The following C1orf94 variants were observed in gnomAD, a reference collection of about 807,000 sequenced individuals.
C1orf94 encodes uncharacterized protein C1orf94.
Under a neutral mutation model 53.6 loss-of-function variants are expected in C1orf94, and 45 were observed. That is an observed-to-expected ratio of 0.84 (90% CI 0.66 to 1.08). The LOEUF is 1.08. Among genes scored for constraint, C1orf94 ranks in the 50% least tolerant of loss-of-function variants. The pLI is 0.00. For synonymous variants in C1orf94, 304 were observed against 296.1 expected (o/e 1.03, Z -0.27); for missense variants, 762 against 738.9 (o/e 1.03, Z -0.36).
intron 1 of C1orf94, among the ~76,000 whole-genome samples, chr1:34,184,367 G>T (rs1458855609): frequency 6.6e-5 from 10 of 152,180 alleles, no homozygotes; most frequent in Non-Finnish European, 1.0e-4. Context: ...GCTCGAGCTT[G>T]CTGGGTGTGG....
Position 34,203,883 on chromosome 1 carries a change from A to G in C1orf94, c.1446+1624A>G, listed in dbSNP as rs542300210. 2.9e-3 allele frequency among the ~76,000 whole-genome samples: 440 copies of G among 152,342 alleles called. 2 individuals are homozygous for G. The highest frequency in any genetic ancestry group is 4.0e-3 in the Non-Finnish European group (274 of 68,028). On this transcript the variant is annotated intron_variant, in intron 4 of 6. Transcript: ENST00000488417. ...CTGGTTTAAGCCTTAGCCCAATCCAATAACTTAAATAGTCCCTTTAGGTAG... is the reference window on the plus strand; with the variant it reads ...CTGGTTTAAGCCTTAGCCCAATCCAGTAACTTAAATAGTCCCTTTAGGTAG...
chr1:34,195,260 T>G (rs1442624464), intron 1 of C1orf94, among the ~76,000 whole-genome samples: 1 of 152,320 alleles, frequency 6.6e-6, no homozygotes, highest in East Asian at 1.9e-4. Flanking sequence ...CACAGGGCAC[T>G]GTGCTGAGCT....
At chr1:34,174,653 A>AAGCC (rs567661994), upstream of C1orf94, among the ~76,000 whole-genome samples, 1 of 152,246 alleles carries the variant, frequency 6.6e-6, no homozygotes, top group Non-Finnish European at 1.5e-5. Context: ...AGCCAAGTGC[A>AAGCC]AGCCAGCGAG....
chr1:34,211,803 C>T (rs972282285), intron 5 of C1orf94, among the ~76,000 whole-genome samples: 1 of 152,124 alleles, frequency 6.6e-6, no homozygotes, highest in African/African-American at 2.4e-5. Context: ...TAAATCACAA[C>T]AGCTTTTTGG....
Position 34,200,819 on chromosome 1 carries a change from T to C in C1orf94, c.1057T>C (p.Phe353Leu). The C allele has an allele frequency of 1.2e-6, 2 of 1,614,168 alleles. No individual in the cohort carries two copies. The highest frequency in any genetic ancestry group is 1.7e-6 in the Non-Finnish European group (2 of 1,180,022). Residue 353 changes from phenylalanine to leucine, a missense_variant, in exon 3 of 7, where the codon TTT becomes CTT. Coordinates refer to ENST00000488417, the MANE Select transcript of C1orf94 (RefSeq NM_001134734.2). Reference sequence around the variant, plus strand: ...GCCAAAAAAGGGTCAAGGGAGCCTCTTTCTCAGCCAGTGGCCCCAGAGCCA... The same window carrying C: ...GCCAAAAAAGGGTCAAGGGAGCCTCCTTCTCAGCCAGTGGCCCCAGAGCCA... ...KEPKKGQGSL[F>L]LSQWPQSQKD...
At chr1:34,190,402 C>T (rs546968351) in intron 1 of C1orf94, among the ~76,000 whole-genome samples, 188 of 152,272 alleles carry the variant, frequency 1.2e-3, no homozygotes, top group African/African-American at 4.3e-3. Context: ...TAACTTCTCC[C>T]CTCCACCTCC....
intron 1 of C1orf94, chr1:34,167,255 C>G (rs1209592284): frequency 6.6e-6 from 1 of 152,466 alleles, no homozygotes; most frequent in East Asian, 1.9e-4. Flanking sequence ...GACTTTACCC[C>G]TCTCTTGGAG....
At chr1:34,186,242 T>A (rs1159689871) in intron 1 of C1orf94, among the ~76,000 whole-genome samples, 1 of 152,228 alleles carries the variant, frequency 6.6e-6, no homozygotes, top group African/African-American at 2.4e-5. Flanking sequence ...AAACTTTCTG[T>A]GCCCTATTTT....
rs751170856 is a variant in C1orf94 at position 34,218,906 on chromosome 1, T to A, written c.*145T>A. On this transcript the variant is annotated 3_prime_UTR_variant, in exon 7 of 7. Coordinates refer to ENST00000488417, the MANE Select transcript of C1orf94 (RefSeq NM_001134734.2). The stretch of plus-strand genomic sequence containing the variant: ...ACAAAACAGCAAGACCAGATTCATC[T>A]ATTGGCCAACACTGACACAAAAATA... 1.1e-5 allele frequency: 6 copies of A among 551,858 alleles called. No homozygotes were observed. Among genetic ancestry groups the A allele is most frequent in the Non-Finnish European group, 1.8e-5 (6 of 329,490 alleles). 34.2% of individuals were successfully genotyped at this position (551,858 alleles called of 1,614,324 possible).
intron 5 of C1orf94, among the ~76,000 whole-genome samples, chr1:34,210,614 G>T (rs1266663364): frequency 6.6e-6 from 1 of 151,874 alleles, no homozygotes; most frequent in African/African-American, 2.4e-5. Flanking sequence ...CATGTGAAGG[G>T]CCGGGCACAT....
intron 3 of C1orf94, 127 bp from the exon 4 acceptor site, chr1:34,201,956 AC>A (rs1343963940): frequency 1.2e-6 from 1 of 831,860 alleles, no homozygotes; most frequent in Non-Finnish European, 1.9e-6. Flanking sequence ...ACTTTGAAGA[AC>A]CCTCTTGGAG....
intron 6 of C1orf94, among the ~76,000 whole-genome samples, chr1:34,218,218 A>G (rs1643021507): frequency 1.3e-5 from 2 of 152,124 alleles, no homozygotes. Flanking sequence ...TTAGTGCTGG[A>G]AGGGGAGGAG....
In C1orf94 at chr1:34,198,077, C is replaced by T. The variant is rs1571344430; in HGVS notation, c.1009+164C>T. On this transcript the variant is annotated intron_variant, in intron 2 of 6. Transcript: ENST00000488417. The stretch of plus-strand genomic sequence containing the variant: ...CGAGGGACGGGCTGTTTCCAGCCCC[C>T]ACAGGCTTATTTTGCTGGGTTCCCC... Among the ~76,000 whole-genome samples the T allele has an allele frequency of 2.0e-5, 3 of 152,250 alleles. No homozygotes were observed. In the East Asian group the frequency reaches 5.8e-4, roughly 29 times the overall value.
At chr1:34,218,636 C>T (rs1349102082) in intron 6 of C1orf94, 50 bp from the exon 7 acceptor site, 2 of 1,428,552 alleles carry the variant, frequency 1.4e-6, no homozygotes, top group Non-Finnish European at 9.7e-7. Flanking sequence ...CTAATTCTCT[C>T]CGATAACATT....
intron 1 of C1orf94, among the ~76,000 whole-genome samples, chr1:34,184,186 C>G (rs980625596): frequency 1.2e-4 from 18 of 152,120 alleles, no homozygotes; most frequent in African/African-American, 4.3e-4. Context: ...CCGCAGGTAG[C>G]AGGGATGTCA....
chr1:34,177,520 C>A lies in C1orf94; in HGVS notation c.-270C>A, dbSNP rs1376199973. 5 of 379,932 alleles carry A rather than the reference C, an allele frequency of 1.3e-5. No homozygotes were observed. The highest frequency in any genetic ancestry group is 1.0e-4 in the African/African-American group (5 of 50,010). The allele number at this position is 379,932 out of a possible 1,614,324, so 23.5% of individuals were successfully genotyped here. A position where few individuals can be genotyped will look rare whatever the true frequency, so the allele number is the denominator to read the frequency against. Reference sequence around the variant, plus strand: ...CCCGCCCAGGCGCCTGGTTCCTGAGCTCCGCAGCATTCCACTGTTCCTAAG... The same window carrying A: ...CCCGCCCAGGCGCCTGGTTCCTGAGATCCGCAGCATTCCACTGTTCCTAAG... On this transcript the variant is annotated 5_prime_UTR_variant, in exon 1 of 7. Transcript: ENST00000488417.
At chr1:34,200,257 G>A (rs1452784695) in intron 2 of C1orf94, among the ~76,000 whole-genome samples, 2 of 152,224 alleles carry the variant, frequency 1.3e-5, no homozygotes, top group Non-Finnish European at 2.9e-5. Flanking sequence ...TGTGCTCACT[G>A]AAGGCAGGAA....
intron 1 of C1orf94, among the ~76,000 whole-genome samples, chr1:34,182,397 T>C (rs948016677): frequency 2.0e-5 from 3 of 152,142 alleles, no homozygotes; most frequent in African/African-American, 7.2e-5. Context: ...TGGAACACTT[T>C]TGCAGGTTTT....
At chr1:34,175,235 G>A (rs28437523), upstream of C1orf94, among the ~76,000 whole-genome samples, 3,968 of 139,250 alleles carry the variant, frequency 0.028, 205 homozygotes, top group African/African-American at 0.099. Flanking sequence ...TTTAGCCCCC[G>A]TTGCCTGGTC....
Sources: gnomAD v4.1 joint callset for allele counts (sites outside exome capture counted in the v4.1 genomes callset) on GRCh38, gnomAD v4.1.1 for gene constraint, MANE v1.5 for transcripts, NCBI Gene and HGNC (gene_info 2026-07-23, HGNC 2026-07-21) for gene names.